The following DPYD variants were observed in gnomAD, a reference collection of about 807,000 sequenced individuals.
The protein encoded by DPYD is dihydropyrimidine dehydrogenase.
A neutral mutation model predicts 116.2 loss-of-function variants in DPYD; 109 were observed. That is an observed-to-expected ratio of 0.94 (90% confidence interval 0.80 to 1.10). DPYD has a LOEUF of 1.10. Ranked by LOEUF, DPYD falls within the 50% of genes least tolerant of loss-of-function variation. DPYD has a pLI of 0.00. For synonymous variants in DPYD, 440 were observed against 432.0 expected (o/e 1.02, Z -0.23); for missense variants, 1,302 against 1,254.5 (o/e 1.04, Z -0.57).
Position 97,753,869 on chromosome 1 carries a change from A to G in DPYD, c.234-13390T>C, listed in dbSNP as rs999834584. 4.6e-5 allele frequency among the ~76,000 whole-genome samples: 7 copies of G among 152,240 alleles called. 1 individual carries two copies. The highest frequency in any genetic ancestry group is 3.9e-4 in the Admixed American group (6 of 15,266). ...TAAAAATACATATCTAACTTATATA[A>G]CTTTGACTCTAAACTAATTATGTCC... On this transcript the variant is annotated intron_variant, in intron 3 of 22. Coordinates refer to ENST00000370192, the MANE Select transcript of DPYD (RefSeq NM_000110.4).
intron 14 of DPYD, among the ~76,000 whole-genome samples, chr1:97,400,637 G>A (rs1328762874): frequency 6.6e-6 from 1 of 152,044 alleles, no homozygotes; most frequent in East Asian, 1.9e-4. Flanking sequence ...GCCTGTTAAT[G>A]GTCTATTCAG....
chr1:97,286,245 G>A (rs1557999615), intron 18 of DPYD, among the ~76,000 whole-genome samples: 1 of 152,040 alleles, frequency 6.6e-6, no homozygotes, highest in East Asian at 1.9e-4. Flanking sequence ...TTGAATATTG[G>A]CCCCCACTCT....
intron 16 of DPYD, among the ~76,000 whole-genome samples, chr1:97,358,958 G>T (rs569078971): frequency 1.1e-4 from 16 of 152,262 alleles, no homozygotes; most frequent in African/African-American, 3.4e-4. Context: ...GATGGAGAAT[G>T]ATTTTGACAA....
At chr1:97,493,391 G>A (rs556947772) in intron 13 of DPYD, among the ~76,000 whole-genome samples, 3 of 152,184 alleles carry the variant, frequency 2.0e-5, no homozygotes, top group African/African-American at 7.2e-5. Context: ...GTTCAAATCA[G>A]AAAAAACTTT....
intron 12 of DPYD, among the ~76,000 whole-genome samples, chr1:97,529,502 A>G (rs972501898): frequency 9.9e-5 from 15 of 152,210 alleles, no homozygotes; most frequent in Non-Finnish European, 1.5e-4. Context: ...TTGAGGTACA[A>G]TCAGTCTACA....
chr1:97,841,556 A>G (rs1670036574), intron 2 of DPYD, among the ~76,000 whole-genome samples: 1 of 152,086 alleles, frequency 6.6e-6, no homozygotes, highest in South Asian at 2.1e-4. Flanking sequence ...ACATGACTGT[A>G]TGCAATCTTC....
chr1:97,217,703 T>C (rs1448712319), intron 19 of DPYD, among the ~76,000 whole-genome samples: 1 of 152,168 alleles, frequency 6.6e-6, no homozygotes, highest in Non-Finnish European at 1.5e-5. Flanking sequence ...ACTCTTTCTT[T>C]TATCAGTTTA....
At chr1:97,672,297 T>C (rs571672902) in intron 8 of DPYD, among the ~76,000 whole-genome samples, 3 of 152,292 alleles carry the variant, frequency 2.0e-5, no homozygotes, top group African/African-American at 7.2e-5. Flanking sequence ...CAGATTAATA[T>C]GTGCTTTCTA....
At chr1:97,096,834 C>A (rs1041302867) in intron 21 of DPYD, among the ~76,000 whole-genome samples, 2 of 152,120 alleles carry the variant, frequency 1.3e-5, no homozygotes, top group Non-Finnish European at 2.9e-5. Flanking sequence ...GCTGTGGAAG[C>A]TTTGTTCTTT....
chr1:97,587,445 C>T (rs999321716), intron 10 of DPYD, among the ~76,000 whole-genome samples: 2 of 152,128 alleles, frequency 1.3e-5, no homozygotes, highest in Non-Finnish European at 2.9e-5. Context: ...AATTTGTCAG[C>T]TTATGGGGGC....
At chr1:97,117,378 A>T (rs1652059817) in intron 20 of DPYD, among the ~76,000 whole-genome samples, 1 of 152,222 alleles carries the variant, frequency 6.6e-6, no homozygotes, top group Non-Finnish European at 1.5e-5. Context: ...ATCGTTTCAG[A>T]ACCATATGCT....
intron 18 of DPYD, among the ~76,000 whole-genome samples, chr1:97,247,227 C>T (rs1477798151): frequency 5.3e-5 from 8 of 152,010 alleles, no homozygotes. Flanking sequence ...ATAAATAGTG[C>T]AGGAATCTGT....
intron 12 of DPYD, among the ~76,000 whole-genome samples, chr1:97,531,412 G>C (rs1557777554): frequency 1.3e-5 from 2 of 152,162 alleles, no homozygotes; most frequent in East Asian, 3.9e-4. Context: ...CTTTCGTATT[G>C]AAAGTCATTG....
intron 14 of DPYD, among the ~76,000 whole-genome samples, chr1:97,428,871 A>C (rs1038756878): frequency 6.6e-6 from 1 of 151,960 alleles, no homozygotes; most frequent in African/African-American, 2.4e-5. Context: ...TTATGATTAA[A>C]CTGTAGTGTT....
chr1:97,712,716 T>G (rs1662361938), intron 5 of DPYD, among the ~76,000 whole-genome samples: 1 of 152,054 alleles, frequency 6.6e-6, no homozygotes, highest in Admixed American at 6.6e-5. Context: ...CCAAGTTTCT[T>G]AAAGTCCAGG....
intron 20 of DPYD, among the ~76,000 whole-genome samples, chr1:97,102,597 T>C (rs531765004): frequency 8.6e-4 from 130 of 151,404 alleles, no homozygotes; most frequent in Non-Finnish European, 1.7e-3. Context: ...GACTTTTTTT[T>C]CCCAAAAGAC....
intron 5 of DPYD, among the ~76,000 whole-genome samples, chr1:97,704,209 C>A (rs2100984189): frequency 6.6e-6 from 1 of 151,900 alleles, no homozygotes; most frequent in Non-Finnish European, 1.5e-5. Flanking sequence ...CTGATTATGA[C>A]AAAATGAGGG....
intron 8 of DPYD, among the ~76,000 whole-genome samples, chr1:97,665,136 C>A (rs1409580782): frequency 2.0e-5 from 3 of 151,970 alleles, no homozygotes; most frequent in Non-Finnish European, 4.4e-5. Flanking sequence ...GGAAAAAAGG[C>A]ACAAACATAA....
At chr1:97,440,161 A>G (rs1461257584) in intron 14 of DPYD, among the ~76,000 whole-genome samples, 2 of 151,206 alleles carry the variant, frequency 1.3e-5, no homozygotes, top group African/African-American at 4.9e-5. Flanking sequence ...TGTAATCCCA[A>G]CTACTCGGGA....
Sources: gnomAD v4.1 joint callset for allele counts (sites outside exome capture counted in the v4.1 genomes callset) on GRCh38, gnomAD v4.1.1 for gene constraint, MANE v1.5 for transcripts, NCBI Gene and HGNC (gene_info 2026-07-23, HGNC 2026-07-21) for gene names.